Variants in HMGA2 observed in about 807,000 individuals in gnomAD.
The protein encoded by HMGA2 is high mobility group AT-hook 2.
Under a neutral mutation model 19.1 loss-of-function variants are expected in HMGA2, and 8 were observed. That is an observed-to-expected ratio of 0.42 (90% CI 0.25 to 0.76). The LOEUF (loss-of-function observed/expected upper bound fraction) is 0.76. Ranked by LOEUF, HMGA2 falls within the 30% of genes least tolerant of loss-of-function variation. HMGA2 has a pLI of 0.28. For synonymous variants in HMGA2, 60 were observed against 48.8 expected, an observed-to-expected ratio of 1.23 and a Z score of -0.96; for missense variants, 109 against 136.3, an observed-to-expected ratio of 0.80 and a Z score of 1.00.
intron 3 of HMGA2, among the ~76,000 whole-genome samples, chr12:65,860,642 G>A (rs1872009565): frequency 6.6e-6 from 1 of 152,188 alleles, no homozygotes; most frequent in Non-Finnish European, 1.5e-5. Flanking sequence ...AAAATACGTG[G>A]CTAGGCTACT....
chr12:65,933,990 A>G (rs1875807527), intron 3 of HMGA2, among the ~76,000 whole-genome samples: 1 of 152,144 alleles, frequency 6.6e-6, no homozygotes, highest in Admixed American at 6.5e-5. Flanking sequence ...CTCTTCTGTA[A>G]ACTCCTATAT....
At chr12:65,868,440 C>T (rs1872545574) in intron 3 of HMGA2, among the ~76,000 whole-genome samples, 1 of 152,010 alleles carries the variant, frequency 6.6e-6, no homozygotes, top group Non-Finnish European at 1.5e-5. Flanking sequence ...ATCCCGGATG[C>T]AGTCCACTAC....
intron 3 of HMGA2, among the ~76,000 whole-genome samples, chr12:65,861,090 A>G (rs1448374107): frequency 6.6e-6 from 1 of 152,200 alleles, no homozygotes; most frequent in Non-Finnish European, 1.5e-5. Flanking sequence ...AATTTAGGCC[A>G]GGTGTGGTGG....
At chr12:65,869,628 A>C (rs1432573317) in intron 3 of HMGA2, among the ~76,000 whole-genome samples, 1 of 152,250 alleles carries the variant, frequency 6.6e-6, no homozygotes, top group Non-Finnish European at 1.5e-5. Flanking sequence ...TTATTCTGGT[A>C]TATACCATTT....
chr12:65,867,379 A>C (rs1029319200), intron 3 of HMGA2: 7 of 371,656 alleles, frequency 1.9e-5, no homozygotes, highest in African/African-American at 1.3e-4. Flanking sequence ...CTAGGAACTT[A>C]ATCTGTTAGT....
chr12:65,907,740 A>T (rs1255864981), intron 3 of HMGA2, among the ~76,000 whole-genome samples: 1 of 152,150 alleles, frequency 6.6e-6, no homozygotes, highest in Non-Finnish European at 1.5e-5. Flanking sequence ...TCAAGTAAGG[A>T]TGTTTCTAGG....
intron 2 of HMGA2, 106 bp from the exon 3 acceptor site, chr12:65,838,413 C>G (rs1427057835): frequency 1.3e-6 from 1 of 771,054 alleles, no homozygotes; most frequent in Non-Finnish European, 2.1e-6. Flanking sequence ...AAAACCGATA[C>G]GTCATCTGCA....
chr12:65,845,413 C>T (rs1167733842), intron 3 of HMGA2, among the ~76,000 whole-genome samples: 1 of 151,984 alleles, frequency 6.6e-6, no homozygotes, highest in Admixed American at 6.6e-5. Context: ...GGACTATAGT[C>T]CCACGCCACC....
At chr12:65,853,352 A>C (rs955438518) in intron 3 of HMGA2, among the ~76,000 whole-genome samples, 1 of 152,204 alleles carries the variant, frequency 6.6e-6, no homozygotes, top group African/African-American at 2.4e-5. Flanking sequence ...AGTTTATAGA[A>C]GCAAGAAACT....
chr12:65,899,043 C>CAAAAAAA (rs751128412), intron 3 of HMGA2, among the ~76,000 whole-genome samples: 2 of 25,352 alleles, frequency 7.9e-5, no homozygotes, highest in African/African-American at 1.8e-4. Flanking sequence ...GACTCCGTCT[C>CAAAAAAA]AAAAAAAAAA....
At chr12:65,919,510 A>G (rs1361652215) in intron 3 of HMGA2, among the ~76,000 whole-genome samples, 1 of 152,242 alleles carries the variant, frequency 6.6e-6, no homozygotes. Context: ...ATTTTTGCCA[A>G]TGAAATAAGA....
At chr12:65,929,222 C>T (rs1592451876) in intron 3 of HMGA2, among the ~76,000 whole-genome samples, 1 of 152,090 alleles carries the variant, frequency 6.6e-6, no homozygotes, top group Non-Finnish European at 1.5e-5. Context: ...AGTAACAAGA[C>T]TTCCTCATGT....
intron 3 of HMGA2, among the ~76,000 whole-genome samples, chr12:65,921,747 G>A (rs902975071): frequency 1.3e-5 from 2 of 152,198 alleles, no homozygotes; most frequent in East Asian, 3.8e-4. Context: ...AGACCTTCAC[G>A]GCAGCCCCTC....
chr12:65,839,535 G>A (rs976610800), intron 3 of HMGA2, among the ~76,000 whole-genome samples: 1 of 151,762 alleles, frequency 6.6e-6, no homozygotes, highest in African/African-American at 2.4e-5. Context: ...CTCCTCTAGA[G>A]TTCTGCATCA....
At position 65,917,720 on chromosome 12, in the gene HMGA2, G is replaced by A. The variant is rs552280066; in HGVS notation, c.250-33663G>A. 2.7e-4 allele frequency among the ~76,000 whole-genome samples: 41 copies of A among 152,292 alleles called. 1 individual carries two copies. The highest frequency in any genetic ancestry group is 9.6e-4 in the African/African-American group (40 of 41,560). On this transcript the variant is annotated intron_variant, in intron 3 of 4. Coordinates refer to ENST00000403681, the MANE Select transcript of HMGA2 (RefSeq NM_003483.6). The stretch of plus-strand genomic sequence containing the variant: ...CTGAAAAAGGCTGGAGTTTCCTGGA[G>A]TGTGCAGTTGTGGAGCCCTAGATCT...
At chr12:65,962,224 G>A (rs1210865550) in intron 4 of HMGA2, among the ~76,000 whole-genome samples, 3 of 152,164 alleles carry the variant, frequency 2.0e-5, no homozygotes, top group Non-Finnish European at 4.4e-5. Flanking sequence ...GCTTTTATCG[G>A]AAATGTTTAT....
Position 65,908,886 on chromosome 12 carries a change from G to A in HMGA2, c.250-42497G>A, listed in dbSNP as rs534498610. Among the ~76,000 whole-genome samples the A allele has an allele frequency of 4.6e-5, 7 of 152,170 alleles. No homozygotes were observed. In the East Asian group the frequency reaches 7.7e-4, roughly 17 times the overall value. ...CTCTAATCTTCATCTACTTTGGCCC[G>A]ACCTGAATTCCACTATAATTACCTT... is the stretch of plus-strand genomic sequence containing the variant. On this transcript the variant is annotated intron_variant, in intron 3 of 4. Coordinates refer to ENST00000403681, the MANE Select transcript of HMGA2 (RefSeq NM_003483.6).
chr12:65,944,668 A>T (rs1876199978), intron 3 of HMGA2, among the ~76,000 whole-genome samples: 1 of 152,236 alleles, frequency 6.6e-6, no homozygotes, highest in South Asian at 2.1e-4. Context: ...TGAATTAGAA[A>T]GACCTTATCT....
chr12:65,908,926 T>C (rs999440894), intron 3 of HMGA2, among the ~76,000 whole-genome samples: 6 of 152,198 alleles, frequency 3.9e-5, no homozygotes, highest in African/African-American at 1.4e-4. Flanking sequence ...ACATATATCC[T>C]ACCATCATCT....
Sources: gnomAD v4.1 joint callset for allele counts (sites outside exome capture counted in the v4.1 genomes callset) on GRCh38, gnomAD v4.1.1 for gene constraint, MANE v1.5 for transcripts, NCBI Gene and HGNC (gene_info 2026-07-23, HGNC 2026-07-21) for gene names.